COX14: variants seen among roughly 807,000 people sequenced by gnomAD.
COX14 encodes the protein cytochrome c oxidase assembly protein COX14.
A neutral mutation model predicts 5.8 loss-of-function variants in COX14; 3 were observed. The observed-to-expected ratio is 0.51, with a 90% CI of 0.23 to 1.33. The LOEUF (loss-of-function observed/expected upper bound fraction) is 1.33, where lower values mean the gene tolerates loss of function less well. Among genes scored for constraint, COX14 ranks in the 40% most tolerant of loss-of-function variants. The probability of loss-of-function intolerance (pLI) is 0.18; values close to 1 mark genes in which losing one functional copy is unlikely to be tolerated. For synonymous variants in COX14, 25 were observed against 26.1 expected (o/e 0.96, Z 0.13); for missense variants, 72 against 72.1 (o/e 1.00, Z 0.01).
chr12:50,119,889 G>A (rs879867505), intron 1 of COX14, 147 bp from the exon 2 acceptor site: 51 of 653,262 alleles, frequency 7.8e-5, no homozygotes, highest in Admixed American at 5.3e-4. Context: ...GTATCCCTAT[G>A]AGACTTTACC....
chr12:50,115,241 G>T (rs1951070448), intron 1 of COX14, among the ~76,000 whole-genome samples: 1 of 144,296 alleles, frequency 6.9e-6, no homozygotes, highest in Admixed American at 7.0e-5. Context: ...TTGAGACGGA[G>T]TCTGGTTTTG....
chr12:50,112,548 C>A (rs1161061087), intron 1 of COX14: 1 of 895,548 alleles, frequency 1.1e-6, no homozygotes, highest in African/African-American at 1.8e-5. Flanking sequence ...CGACTCCTGC[C>A]TGGCGTCTCG....
intron 1 of COX14, chr12:50,112,942 T>TGTTATGTTATGTTAC (rs1229204167): frequency 6.6e-6 from 1 of 151,936 alleles, no homozygotes; most frequent in African/African-American, 2.4e-5. Context: ...TGTTATGTTA[T>TGTTATGTTATGTTAC]GTTATTTTGA....
chr12:50,116,698 A>G (rs747939512), intron 1 of COX14, among the ~76,000 whole-genome samples: 38 of 152,202 alleles, frequency 2.5e-4, no homozygotes, highest in Non-Finnish European at 5.9e-5. Flanking sequence ...GTTCAGCTCC[A>G]TGGGTGTGTG....
intron 1 of COX14, among the ~76,000 whole-genome samples, chr12:50,114,897 AGTT>A (rs1483456715): frequency 7.2e-6 from 1 of 138,964 alleles, no homozygotes; most frequent in Non-Finnish European, 1.5e-5. Flanking sequence ...CCTCCAGAGT[AGTT>A]CCGACTACAG....
intron 1 of COX14, 85 bp from the exon 2 acceptor site, chr12:50,119,951 G>A: frequency 2.8e-6 from 3 of 1,074,902 alleles, no homozygotes; most frequent in Non-Finnish European, 4.3e-6. Flanking sequence ...GCAGGATGCA[G>A]AAGTTATGGA....
At chr12:50,115,914 GTTTCTTA>G (rs750715951) in intron 1 of COX14, among the ~76,000 whole-genome samples, 14 of 152,038 alleles carry the variant, frequency 9.2e-5, no homozygotes, top group Non-Finnish European at 1.8e-4. Context: ...CTCTTCTCTT[GTTTCTTA>G]TTTCTGTTAA....
At chr12:50,117,309 C>T (rs1951089188) in intron 1 of COX14, among the ~76,000 whole-genome samples, 1 of 151,994 alleles carries the variant, frequency 6.6e-6, no homozygotes, top group African/African-American at 2.4e-5. Flanking sequence ...GCCACCATGC[C>T]CTGCCTAGGT....
At chr12:50,114,219 G>GA (rs36117795) in intron 1 of COX14, among the ~76,000 whole-genome samples, 34,506 of 82,722 alleles carry the variant, frequency 0.42, 6,185 homozygotes, top group East Asian at 0.77. Flanking sequence ...GTAGTTAAAT[G>GA]AAAAAAAAAA....
At chr12:50,113,906 T>C (rs1951054272) in intron 1 of COX14, among the ~76,000 whole-genome samples, 1 of 151,996 alleles carries the variant, frequency 6.6e-6, no homozygotes. Flanking sequence ...GTACTGAGAT[T>C]ACAGGTGGCT....
chr12:50,120,304 C>CT lies in COX14; in HGVS notation c.*88dup. ...TGCCACCATTTCCAGGTCAACAGGA[C>CT]TAGAGCGTTGATGGTTTTCAAACCC... On this transcript the variant is annotated 3_prime_UTR_variant, in exon 2 of 2. Coordinates refer to ENST00000550487, the MANE Select transcript of COX14 (RefSeq NM_032901.4). The CT allele has an allele frequency of 4.3e-6, 5 of 1,153,834 alleles. No homozygotes were observed. Among genetic ancestry groups the CT allele is most frequent in the Non-Finnish European group, 6.2e-6 (5 of 809,042 alleles). The allele number at this position is 1,153,834 out of a possible 1,614,324, so 71.5% of individuals were successfully genotyped here. A position where few individuals can be genotyped will look rare whatever the true frequency, so the allele number is the denominator to read the frequency against.
At chr12:50,112,504 C>A in intron 1 of COX14, 1 of 983,452 alleles carries the variant, frequency 1.0e-6, no homozygotes, top group South Asian at 4.7e-5. Flanking sequence ...GTAGGTCAGT[C>A]TTGCTAGAGC....
chr12:50,115,072 T>G (rs567456265), intron 1 of COX14, among the ~76,000 whole-genome samples: 1 of 143,938 alleles, frequency 6.9e-6, no homozygotes, highest in East Asian at 2.1e-4. Flanking sequence ...GGCCGGTTTT[T>G]TTTTTTTTTT....
intron 1 of COX14, among the ~76,000 whole-genome samples, chr12:50,113,825 G>C (rs147031071): frequency 6.6e-6 from 1 of 151,920 alleles, no homozygotes; most frequent in Non-Finnish European, 1.5e-5. Flanking sequence ...TCAAGACAGG[G>C]TTTTATCATA....
At chr12:50,118,247 A>G (rs1951100397) in intron 1 of COX14, among the ~76,000 whole-genome samples, 1 of 150,920 alleles carries the variant, frequency 6.6e-6, no homozygotes, top group South Asian at 2.1e-4. Flanking sequence ...GGGTTTCACC[A>G]TGTTTGCCAG....
At chr12:50,114,770 ATTTTTTTTTTTTTTTTTT>A (rs71083507) in intron 1 of COX14, among the ~76,000 whole-genome samples, 107 of 70,654 alleles carry the variant, frequency 1.5e-3, no homozygotes, top group Middle Eastern at 0.013. Flanking sequence ...GAGTATCTTA[ATTTTTTTTTTTTTTTTTT>A]TTTTTTTTTT....
At chr12:50,113,094 C>T (rs555160200) in intron 1 of COX14, among the ~76,000 whole-genome samples, 2 of 151,844 alleles carry the variant, frequency 1.3e-5, no homozygotes, top group Non-Finnish European at 2.9e-5. Context: ...AACCTGGTCT[C>T]CAACTCCTGA....
At chr12:50,115,170 G>C (rs1236267619) in intron 1 of COX14, among the ~76,000 whole-genome samples, 1 of 149,354 alleles carries the variant, frequency 6.7e-6, no homozygotes, top group East Asian at 2.0e-4. Context: ...GCCTCCCAAA[G>C]TGCTGGGATT....
At position 50,120,226 on chromosome 12, in the gene COX14, G is replaced by T. The variant is rs773677931; in HGVS notation, c.*9G>T. 3 of 1,611,268 alleles carry T rather than the reference G, an allele frequency of 1.9e-6. No individual in the cohort carries two copies. The highest frequency in any genetic ancestry group is 2.5e-6 in the Non-Finnish European group (3 of 1,179,072). ...CCTCAGGAATCATGTAGAACTGGGG[G>T]GCTTTTTCTCCTGAGCAGAGAGGCC... On this transcript the variant is annotated 3_prime_UTR_variant, in exon 2 of 2. Transcript: ENST00000550487.
Sources: allele counts gnomAD v4.1 joint callset (sites outside exome capture counted in the v4.1 genomes callset), GRCh38; gene constraint gnomAD v4.1.1; transcripts MANE v1.5; gene names NCBI Gene and HGNC (gene_info 2026-07-23, HGNC 2026-07-21).